The following KCNIP3 variants were observed in gnomAD, a reference collection of about 807,000 sequenced individuals.
The protein encoded by KCNIP3 is calsenilin.
A neutral mutation model predicts 35.0 loss-of-function variants in KCNIP3; 28 were observed. That is an observed-to-expected ratio of 0.80 (90% CI 0.59 to 1.10). KCNIP3 has a LOEUF of 1.10. Among genes scored for constraint, KCNIP3 ranks in the 50% least tolerant of loss-of-function variants. The pLI, the probability that KCNIP3 is intolerant of heterozygous loss-of-function variation, is 0.00. For synonymous variants in KCNIP3, 134 were observed against 133.8 expected (o/e 1.00, Z -0.01); for missense variants, 295 against 338.4 (o/e 0.87, Z 1.01).
chr2:95,324,565 GAGT>G lies in KCNIP3; in HGVS notation c.181+14049_181+14051del, dbSNP rs545478243. Among the ~76,000 whole-genome samples the G allele has an allele frequency of 2.3e-3, 215 of 95,092 alleles. 1 individual carries two copies. The highest frequency in any genetic ancestry group is 4.2e-3 in the Non-Finnish European group (182 of 42,916). 62.4% of individuals were successfully genotyped at this position (95,092 alleles called of 152,430 possible). A position where few individuals can be genotyped will look rare whatever the true frequency, so the allele number is the denominator to read the frequency against. On this transcript the variant is annotated intron_variant, in intron 2 of 8. Coordinates refer to ENST00000295225, the MANE Select transcript of KCNIP3 (RefSeq NM_013434.5). ...ATAAATAAATAAATAAAAATAACGT[GAGT>G]AGTTTTTTAAAAAACATTTTTTTCA...
intron 2 of KCNIP3, among the ~76,000 whole-genome samples, chr2:95,367,854 C>T (rs1573516037): frequency 1.3e-5 from 2 of 151,794 alleles, no homozygotes; most frequent in Admixed American, 1.3e-4. Flanking sequence ...CTCTGCCTCC[C>T]AGGTTCAAGC....
intron 2 of KCNIP3, among the ~76,000 whole-genome samples, chr2:95,339,223 TC>T (rs1376505925): frequency 2.0e-5 from 3 of 152,098 alleles, no homozygotes; most frequent in Admixed American, 6.5e-5. Flanking sequence ...ATTTCAGGTG[TC>T]CCCCCTCCTC....
rs776690719 is a variant in KCNIP3, at chr2:95,382,131, C to G, written c.556-246C>G. 6.6e-6 allele frequency among the ~76,000 whole-genome samples: 1 copy of G among 152,138 alleles called. No individual in the cohort carries two copies. Among genetic ancestry groups the G allele is most frequent in the Non-Finnish European group, 1.5e-5 (1 of 68,024 alleles). ...TTGGTCCAAGCACTTTTTCTGCTGCCGCGTCACATTTTGGAGATAAGCACA... is the reference window on the plus strand; with the variant it reads ...TTGGTCCAAGCACTTTTTCTGCTGCGGCGTCACATTTTGGAGATAAGCACA... On this transcript the variant is annotated intron_variant, in intron 6 of 8. Coordinates refer to ENST00000295225, the MANE Select transcript of KCNIP3 (RefSeq NM_013434.5). The surrounding 1 kb of genome is among the most constrained non-coding windows in gnomAD (Gnocchi z 4.5).
intron 2 of KCNIP3, among the ~76,000 whole-genome samples, chr2:95,350,737 G>C (rs1376130219): frequency 6.6e-6 from 1 of 152,216 alleles, no homozygotes; most frequent in Non-Finnish European, 1.5e-5. Context: ...TCTTTACCCA[G>C]CTGTACATTA....
intron 2 of KCNIP3, among the ~76,000 whole-genome samples, chr2:95,352,554 T>TC (rs1679553918): frequency 6.6e-6 from 1 of 151,736 alleles, no homozygotes; most frequent in Non-Finnish European, 1.5e-5. Flanking sequence ...CGACCAGCCT[T>TC]CCCCCCAGCC....
chr2:95,310,243 C>A, intron 1 of KCNIP3, 112 bp from the exon 2 acceptor site: 1 of 1,271,682 alleles, frequency 7.9e-7, no homozygotes, highest in South Asian at 1.2e-5. Context: ...GAAGGTGAGC[C>A]CTCTGTTGTG....
At chr2:95,361,742 TC>T (rs1287920727) in intron 2 of KCNIP3, among the ~76,000 whole-genome samples, 1 of 152,056 alleles carries the variant, frequency 6.6e-6, no homozygotes, top group Non-Finnish European at 1.5e-5. Context: ...GCTGGGAGGA[TC>T]CTACCCAGCC....
chr2:95,326,836 C>G (rs1208943894), intron 2 of KCNIP3, among the ~76,000 whole-genome samples: 1 of 152,208 alleles, frequency 6.6e-6, no homozygotes, highest in Non-Finnish European at 1.5e-5. Context: ...GCCCCTTGGC[C>G]CCAGTAGGCC....
At chr2:95,379,218 T>C (rs1394093298) in intron 5 of KCNIP3, among the ~76,000 whole-genome samples, 1 of 152,230 alleles carries the variant, frequency 6.6e-6, no homozygotes, top group African/African-American at 2.4e-5. Context: ...TCAGGTTGGA[T>C]AAGGCCTTGG....
chr2:95,346,897 G>A (rs539312898), intron 2 of KCNIP3: 54 of 415,496 alleles, frequency 1.3e-4, no homozygotes, highest in Non-Finnish European at 2.0e-4. Flanking sequence ...CGCCTGCCGG[G>A]GGCATGTGAG....
At chr2:95,351,761 C>T (rs571797306) in intron 2 of KCNIP3, among the ~76,000 whole-genome samples, 3 of 152,238 alleles carry the variant, frequency 2.0e-5, no homozygotes, top group Admixed American at 6.5e-5. Flanking sequence ...GGGAGGGTCA[C>T]GGGAGGCCAG....
chr2:95,383,151 A>G (rs1192409245), intron 7 of KCNIP3, 81 bp from the exon 8 acceptor site: 1 of 424,990 alleles, frequency 2.4e-6, no homozygotes, highest in East Asian at 9.0e-5. Context: ...CCACCCACCC[A>G]TGACTTCTGC....
intron 2 of KCNIP3, among the ~76,000 whole-genome samples, chr2:95,317,869 G>A (rs1678497461): frequency 1.3e-5 from 2 of 152,280 alleles, no homozygotes; most frequent in South Asian, 2.1e-4. Flanking sequence ...GCCCTGGCCC[G>A]AGGCTGCAGG....
intron 2 of KCNIP3, among the ~76,000 whole-genome samples, chr2:95,318,972 G>T (rs1337145445): frequency 2.0e-5 from 3 of 152,192 alleles, no homozygotes; most frequent in Non-Finnish European, 4.4e-5. Context: ...ACCTGCAGCC[G>T]CCGGCAGGGC....
intron 2 of KCNIP3, among the ~76,000 whole-genome samples, chr2:95,333,428 T>C (rs574900771): frequency 6.6e-6 from 1 of 152,346 alleles, no homozygotes; most frequent in South Asian, 2.1e-4. Context: ...CCACTACTGC[T>C]GCGGGAAACA....
intron 2 of KCNIP3, among the ~76,000 whole-genome samples, chr2:95,316,680 A>G (rs1198701219): frequency 6.6e-6 from 1 of 152,220 alleles, no homozygotes; most frequent in Non-Finnish European, 1.5e-5. Context: ...TCTGGAAGAC[A>G]GATGCTTCCA....
chr2:95,301,874 G>T (rs1558756275), intron 1 of KCNIP3, among the ~76,000 whole-genome samples: 1 of 152,130 alleles, frequency 6.6e-6, no homozygotes, highest in Non-Finnish European at 1.5e-5. Flanking sequence ...GTGTGTGTGT[G>T]TGCGCGCTCA....
chr2:95,310,105 C>T, intron 1 of KCNIP3: 1 of 633,258 alleles, frequency 1.6e-6, no homozygotes, highest in South Asian at 1.5e-5. Context: ...GACATCCCCT[C>T]TCTGCACCCC....
At chr2:95,298,428 C>G (rs1407239571) in intron 1 of KCNIP3, among the ~76,000 whole-genome samples, 1 of 152,136 alleles carries the variant, frequency 6.6e-6, no homozygotes, top group Non-Finnish European at 1.5e-5. Flanking sequence ...CTCCAGCCAG[C>G]ACACATGGGC....
Sources: gnomAD v4.1 joint callset for allele counts (sites outside exome capture counted in the v4.1 genomes callset) on GRCh38, gnomAD v4.1.1 for gene constraint, Gnocchi (gnomAD v3.1) non-coding constraint, MANE v1.5 for transcripts, NCBI Gene and HGNC (gene_info 2026-07-23, HGNC 2026-07-21) for gene names.